NDRG4: variants seen among roughly 807,000 people sequenced by gnomAD.
NDRG4 encodes the protein NDRG family member 4, also known as protein NDRG4.
Under a neutral mutation model 55.8 loss-of-function variants are expected in NDRG4, and 38 were observed. That is an observed-to-expected ratio of 0.68 (90% CI 0.53 to 0.89). The LOEUF is 0.89. Ranked by LOEUF, NDRG4 falls within the 40% of genes least tolerant of loss-of-function variation. The probability of loss-of-function intolerance (pLI) is 0.00; values close to 1 mark genes in which losing one functional copy is unlikely to be tolerated. For synonymous variants in NDRG4, 190 were observed against 182.7 expected (o/e 1.04, Z -0.32); for missense variants, 455 against 468.6 (o/e 0.97, Z 0.27).
intron 1 of NDRG4, chr16:58,501,041 G>A: frequency 1.0e-5 from 13 of 1,241,708 alleles, no homozygotes; most frequent in Non-Finnish European, 1.3e-5. Context: ...GGGACCCCAG[G>A]TGGAGCCCAG....
rs746408923 is a variant in NDRG4, at chr16:58,509,269, A to G, written c.814-32A>G. The G allele has an allele frequency of 6.2e-6, 10 of 1,613,882 alleles. No individual in the cohort carries two copies. The East Asian group carries it at 8.9e-5, about 14-fold the overall frequency. ...CCTACCTGCTAATCCTAGGCAGCCA[A>G]TGAAAGCATGTGCTTGTCCTGCCCT... On this transcript the variant is annotated intron_variant, in intron 12 of 14. Transcript: ENST00000570248.
At chr16:58,508,932 C>T in intron 10 of NDRG4, 30 bp from the exon 11 acceptor site, 1 of 1,611,296 alleles carries the variant, frequency 6.2e-7, no homozygotes, top group Middle Eastern at 1.7e-4. Context: ...GGGGCAGGGG[C>T]TGTTGCTGAA....
In NDRG4 at chr16:58,464,382, G is replaced by T; in HGVS notation, c.-24+585G>T. On this transcript the variant is annotated intron_variant, in intron 1 of 15. Coordinates refer to the NDRG4 transcript ENST00000258187. This position sits in a 1 kb window ranked among gnomAD's most constrained non-coding sequence, Gnocchi z 4.8. ...GCTCCTCTCCCCGGCTCGGCCGAGC[G>T]CGCTGCCCCGACGCCGCCACCCAGA... is the stretch of plus-strand genomic sequence containing the variant. 1 of 1,366,136 alleles carries T rather than the reference G, an allele frequency of 7.3e-7. No individual in the cohort carries two copies. Among genetic ancestry groups the T allele is most frequent in the Non-Finnish European group, 9.4e-7 (1 of 1,063,896 alleles). 84.6% of individuals were successfully genotyped at this position (1,366,136 alleles called of 1,614,324 possible). A position where few individuals can be genotyped will look rare whatever the true frequency, so the allele number is the denominator to read the frequency against.
intron 8 of NDRG4, 117 bp downstream of exon 8, chr16:58,507,132 A>G (rs575517112): frequency 2.2e-5 from 17 of 766,688 alleles, no homozygotes; most frequent in African/African-American, 1.0e-4. Flanking sequence ...GATGGGCACG[A>G]TATTGGGCCT....
At chr16:58,491,985 T>G (rs13338764) in intron 2 of NDRG4, among the ~76,000 whole-genome samples, 7,258 of 151,888 alleles carry the variant, frequency 0.048, 393 homozygotes, top group African/African-American at 0.14. Flanking sequence ...TCTTTCTATG[T>G]TGCCCAGGCT....
At position 58,504,620 on chromosome 16, in the gene NDRG4, G is replaced by A. The variant is rs554165602; in HGVS notation, c.343G>A (p.Ala115Thr). The A allele has an allele frequency of 9.5e-5, 153 of 1,614,172 alleles. 2 individuals carry two copies. In the South Asian group the frequency reaches 1.0e-3, roughly 11 times the overall value. Residue 115 changes from alanine to threonine, a missense_variant, in exon 5 of 15, where the codon GCC becomes ACC. Ala to Thr is a moderately conservative substitution (Grantham distance 58). Transcript: ENST00000570248. ...GTATGTGATTGGCATCGGAGTGGGC[G>A]CCGGAGCCTATGTGCTGGCCAAGTT... ...FKYVIGIGVG[A>T]GAYVLAKFAL...
intron 1 of NDRG4, chr16:58,475,589 A>G: frequency 2.2e-6 from 1 of 455,544 alleles, no homozygotes; most frequent in Non-Finnish European, 4.4e-6. Context: ...AGATAAAAGT[A>G]TTTTTTTCTC....
At chr16:58,495,086 G>A in intron 3 of NDRG4, 1 of 1,437,034 alleles carries the variant, frequency 7.0e-7, no homozygotes, top group Non-Finnish European at 9.7e-7. Context: ...GGTCCCAGAG[G>A]AGGGTCACAG....
chr16:58,506,785 C>A (rs570752388), intron 7 of NDRG4, 127 bp from the exon 8 acceptor site: 2 of 1,166,752 alleles, frequency 1.7e-6, no homozygotes, highest in Non-Finnish European at 1.2e-6. Context: ...TACCTGCCCC[C>A]ACCCTGTCTC....
chr16:58,478,670 CTG>C (rs2034009432), intron 1 of NDRG4, among the ~76,000 whole-genome samples: 1 of 136,728 alleles, frequency 7.3e-6, no homozygotes, highest in African/African-American at 2.7e-5. Flanking sequence ...TGGGAAATGT[CTG>C]TGTTTCTGTG....
intron 1 of NDRG4, among the ~76,000 whole-genome samples, chr16:58,474,063 A>G (rs1254009964): frequency 8.7e-6 from 1 of 115,150 alleles, no homozygotes; most frequent in Non-Finnish European, 1.7e-5. Context: ...TTGAGAGAGA[A>G]TCTCTCTCTG....
At chr16:58,496,245 G>C (rs983968791), upstream of NDRG4, among the ~76,000 whole-genome samples, 1 of 152,042 alleles carries the variant, frequency 6.6e-6, no homozygotes, top group African/African-American at 2.4e-5. Flanking sequence ...GTTCCCAACT[G>C]CTGCTGCGAA....
At chr16:58,506,849 C>T (rs756613418) in intron 7 of NDRG4, 63 bp from the exon 8 acceptor site, 16 of 1,474,272 alleles carry the variant, frequency 1.1e-5, no homozygotes, top group Non-Finnish European at 1.4e-5. Context: ...CTGCCAGCCC[C>T]CTCTAAGCCT....
At chr16:58,500,545 G>A in intron 1 of NDRG4, 1 of 565,586 alleles carries the variant, frequency 1.8e-6, no homozygotes, top group Non-Finnish European at 3.1e-6. Context: ...TGCAGGAAAT[G>A]GAACGTGGAA....
Position 58,513,467 on chromosome 16 carries a change from A to ATGTT in NDRG4, c.*1894_*1897dup, listed in dbSNP as rs1166731819. 2 of 152,144 alleles carry ATGTT rather than the reference A, an allele frequency of 1.3e-5. No homozygotes were observed. Among genetic ancestry groups the ATGTT allele is most frequent in the African/African-American group, 2.4e-5 (1 of 41,410 alleles). The allele number at this position is 152,144 out of a possible 1,614,324, so 9.4% of individuals were successfully genotyped here. On this transcript the variant is annotated 3_prime_UTR_variant, in exon 15 of 15. Transcript: ENST00000570248. ...CATGGGAGGCTTTTGGAGAAACAGA[A>ATGTT]TGTTTGGGCAGGGGCTGCTGGTGCT...
At chr16:58,499,943 CT>C, upstream of NDRG4, 1 of 527,112 alleles carries the variant, frequency 1.9e-6, no homozygotes, top group South Asian at 2.0e-5. Flanking sequence ...TGATGTGTGG[CT>C]GGGGTGGGAG....
At chr16:58,504,878 G>GAAACT in intron 5 of NDRG4, 1 of 570,426 alleles carries the variant, frequency 1.8e-6, no homozygotes, top group Non-Finnish European at 3.1e-6. Flanking sequence ...CAAGAGACTA[G>GAAACT]AAACTATAAC....
At chr16:58,481,386 G>C (rs1413097524) in intron 1 of NDRG4, among the ~76,000 whole-genome samples, 1 of 152,142 alleles carries the variant, frequency 6.6e-6, no homozygotes, top group Non-Finnish European at 1.5e-5. Context: ...AGTCAGCCCG[G>C]GTCTTTAGCC....
intron 2 of NDRG4, among the ~76,000 whole-genome samples, chr16:58,492,568 G>C (rs1314178688): frequency 2.1e-5 from 3 of 144,278 alleles, no homozygotes; most frequent in South Asian, 2.3e-4. Flanking sequence ...CAGACAGACA[G>C]TCTCGCCCTG....
Sources: gnomAD v4.1 joint callset for allele counts (sites outside exome capture counted in the v4.1 genomes callset) on GRCh38, gnomAD v4.1.1 for gene constraint, Gnocchi (gnomAD v3.1) non-coding constraint, MANE v1.5 for transcripts, NCBI Gene and HGNC (gene_info 2026-07-23, HGNC 2026-07-21) for gene names.